CTNND2: variants seen among roughly 807,000 people sequenced by gnomAD.
CTNND2 encodes the protein catenin delta-2.
A neutral mutation model predicts 144.4 loss-of-function variants in CTNND2; 22 were observed. The ratio of observed to expected loss-of-function variants is 0.15; its 90% confidence interval spans 0.11 to 0.22. CTNND2 has a LOEUF of 0.22. Among genes scored for constraint, CTNND2 ranks in the 10% least tolerant of loss-of-function variants. CTNND2 has a pLI of 1.00. For missense variants in CTNND2, 1,353 were observed against 1,618.8 expected, an observed-to-expected ratio of 0.84 and a Z score of 2.82; for synonymous variants, 751 against 695.6, an observed-to-expected ratio of 1.08 and a Z score of -1.25.
intron 15 of CTNND2, among the ~76,000 whole-genome samples, chr5:11,087,784 T>A (rs1057140040): frequency 6.6e-5 from 10 of 152,242 alleles, no homozygotes; most frequent in African/African-American, 2.4e-4. Flanking sequence ...GTCTGAATTT[T>A]AAAAATCTAA....
intron 2 of CTNND2, among the ~76,000 whole-genome samples, chr5:11,712,155 A>G (rs939362203): frequency 6.6e-6 from 1 of 152,230 alleles, no homozygotes; most frequent in Non-Finnish European, 1.5e-5. Context: ...AGCAGTCGGT[A>G]AACTGTAAAG....
intron 2 of CTNND2, among the ~76,000 whole-genome samples, chr5:11,582,165 G>A (rs558124163): frequency 7.2e-5 from 11 of 152,274 alleles, no homozygotes; most frequent in East Asian, 1.9e-4. Flanking sequence ...GGAAGCCCCT[G>A]TATGAGAGAC....
chr5:11,727,748 G>A (rs1787103766), intron 2 of CTNND2, among the ~76,000 whole-genome samples: 1 of 151,786 alleles, frequency 6.6e-6, no homozygotes, highest in Admixed American at 6.6e-5. Context: ...GCTTTTTCTT[G>A]GATGATAATT....
intron 3 of CTNND2, among the ~76,000 whole-genome samples, chr5:11,485,799 T>C (rs1561462527): frequency 6.6e-6 from 1 of 152,086 alleles, no homozygotes; most frequent in Non-Finnish European, 1.5e-5. Context: ...GCTATGAAAA[T>C]AGGCAAAACG....
At chr5:11,108,231 G>A (rs746252933) in intron 14 of CTNND2, among the ~76,000 whole-genome samples, 13 of 152,192 alleles carry the variant, frequency 8.5e-5, no homozygotes, top group African/African-American at 1.2e-4. Context: ...GAACAGAAGC[G>A]TAGAGGCTGG....
rs142896469 is a variant in CTNND2, at chr5:11,746,716, A to G, written c.38-14444T>C. Among the ~76,000 whole-genome samples the G allele has an allele frequency of 2.7e-3, 407 of 152,278 alleles. 3 individuals are homozygous for G. The highest frequency in any genetic ancestry group is 8.9e-3 in the African/African-American group (369 of 41,558). On this transcript the variant is annotated intron_variant, in intron 1 of 21. Coordinates refer to ENST00000304623, the MANE Select transcript of CTNND2 (RefSeq NM_001332.4). ...TGAGCACAGAAATTGGGTCTTATTC[A>G]TATTTATAACCTCAGTGCCTAGAAT...
intron 3 of CTNND2, among the ~76,000 whole-genome samples, chr5:11,500,359 AAAAT>A (rs758720174): frequency 1.3e-5 from 2 of 152,208 alleles, no homozygotes; most frequent in Admixed American, 6.5e-5. Flanking sequence ...ATCAGTTATT[AAAAT>A]AAATAATCCC....
chr5:11,154,253 G>C (rs1460344502), intron 12 of CTNND2, among the ~76,000 whole-genome samples: 1 of 152,182 alleles, frequency 6.6e-6, no homozygotes, highest in Non-Finnish European at 1.5e-5. Flanking sequence ...AATGTCGGGA[G>C]GAAAAGGAAA....
At chr5:11,602,668 A>G (rs1039277936) in intron 2 of CTNND2, among the ~76,000 whole-genome samples, 1 of 146,370 alleles carries the variant, frequency 6.8e-6, no homozygotes, top group South Asian at 2.1e-4. Flanking sequence ...ATTATATATA[A>G]TATATATTAT....
intron 2 of CTNND2, among the ~76,000 whole-genome samples, chr5:11,711,249 T>C (rs1375237103): frequency 6.6e-6 from 1 of 151,964 alleles, no homozygotes; most frequent in Non-Finnish European, 1.5e-5. Context: ...AGAGACGGGG[T>C]TTCACCATGT....
intron 1 of CTNND2, among the ~76,000 whole-genome samples, chr5:11,756,981 G>A (rs193203275): frequency 6.6e-6 from 1 of 151,692 alleles, no homozygotes; most frequent in African/African-American, 2.4e-5. Flanking sequence ...ATAAAAAGTT[G>A]CTTAACACCC....
intron 9 of CTNND2, among the ~76,000 whole-genome samples, chr5:11,267,643 G>T (rs548137719): frequency 6.2e-4 from 95 of 152,270 alleles, no homozygotes; most frequent in African/African-American, 2.2e-3. Flanking sequence ...TGATTTAAAA[G>T]GACTGCACAC....
At chr5:11,824,885 G>A (rs1479986065) in intron 1 of CTNND2, among the ~76,000 whole-genome samples, 1 of 152,172 alleles carries the variant, frequency 6.6e-6, no homozygotes, top group African/African-American at 2.4e-5. Flanking sequence ...CCCAAACAGA[G>A]TAGGGGAACA....
intron 9 of CTNND2, among the ~76,000 whole-genome samples, chr5:11,294,681 C>T (rs113959551): frequency 1.4e-4 from 22 of 152,216 alleles, no homozygotes; most frequent in East Asian, 5.8e-4. Flanking sequence ...GTTCAACATA[C>T]GCAAATCAAT....
At chr5:11,662,216 C>CATATATGTGT (rs1277947239) in intron 2 of CTNND2, among the ~76,000 whole-genome samples, 7 of 89,412 alleles carry the variant, frequency 7.8e-5, no homozygotes, top group African/African-American at 4.1e-4. Context: ...TATATATATA[C>CATATATGTGT]ATATATGTGT....
In CTNND2 at chr5:11,262,487, G is replaced by A. The variant is rs529731169; in HGVS notation, c.1629-25664C>T. 5.3e-5 allele frequency among the ~76,000 whole-genome samples: 8 copies of A among 152,088 alleles called. No individual in the cohort carries two copies. The East Asian group carries it at 1.5e-3, about 29-fold the overall frequency. On this transcript the variant is annotated intron_variant, in intron 9 of 21. Coordinates refer to ENST00000304623, the MANE Select transcript of CTNND2 (RefSeq NM_001332.4). ...CTTTGAAACTAAATGTGTTGGCCGG[G>A]CGCAGTGGCTCACGCCTGTAATTCC...
At chr5:11,619,078 T>C (rs1291875396) in intron 2 of CTNND2, among the ~76,000 whole-genome samples, 2 of 152,150 alleles carry the variant, frequency 1.3e-5, no homozygotes, top group African/African-American at 4.8e-5. Context: ...TTACATGCAC[T>C]AAAAACATAA....
At chr5:11,083,896 A>G (rs1580237222) in intron 15 of CTNND2, 3 of 1,133,506 alleles carry the variant, frequency 2.6e-6, no homozygotes, top group South Asian at 1.8e-5. Flanking sequence ...GCAGGCAGGG[A>G]GCCCCCTCTG....
chr5:11,717,495 A>G (rs1333305245), intron 2 of CTNND2, among the ~76,000 whole-genome samples: 8 of 151,430 alleles, frequency 5.3e-5, no homozygotes, highest in Non-Finnish European at 8.8e-5. Context: ...GAGAATTGCT[A>G]GAACCCTGGG....
Sources: gnomAD v4.1 joint callset for allele counts (sites outside exome capture counted in the v4.1 genomes callset) on GRCh38, gnomAD v4.1.1 for gene constraint, MANE v1.5 for transcripts, NCBI Gene and HGNC (gene_info 2026-07-23, HGNC 2026-07-21) for gene names.